ACYP2: variants seen among roughly 807,000 people sequenced by gnomAD.
ACYP2 encodes the protein acylphosphatase 2, also known as acylphosphatase-2.
A neutral mutation model predicts 11.2 loss-of-function variants in ACYP2; 12 were observed. That is an observed-to-expected ratio of 1.08 (90% CI 0.69 to 1.74). The LOEUF (loss-of-function observed/expected upper bound fraction) is 1.74, where lower values mean the gene tolerates loss of function less well. ACYP2 is among the 40% of genes most tolerant of loss of function. The pLI, the probability that ACYP2 is intolerant of heterozygous loss-of-function variation, is 0.00. For synonymous variants in ACYP2, 43 were observed against 32.2 expected (o/e 1.33, Z -1.13); for missense variants, 134 against 101.9 (o/e 1.31, Z -1.35).
chr2:53,994,728 G>A (rs1014231920), intron 2 of ACYP2, among the ~76,000 whole-genome samples: 1 of 152,074 alleles, frequency 6.6e-6, no homozygotes, highest in Non-Finnish European at 1.5e-5. Flanking sequence ...ACTACTATAG[G>A]ATAGCAATTT....
chr2:53,978,991 G>A (rs973643621), intron 2 of ACYP2, among the ~76,000 whole-genome samples: 4 of 151,528 alleles, frequency 2.6e-5, no homozygotes, highest in Admixed American at 2.6e-4. Context: ...ATAAACGACT[G>A]TTACTAGTTT....
chr2:54,053,076 C>G (rs1410894775), intron 3 of ACYP2, among the ~76,000 whole-genome samples: 1 of 152,208 alleles, frequency 6.6e-6, no homozygotes, highest in Non-Finnish European at 1.5e-5. Context: ...CTCCCTGGTC[C>G]TGATGGCTTG....
intron 4 of ACYP2, among the ~76,000 whole-genome samples, chr2:54,063,180 C>T (rs1420096912): frequency 3.9e-5 from 6 of 152,000 alleles, no homozygotes; most frequent in Middle Eastern, 3.4e-3. Context: ...GAGTCAGGGT[C>T]TCACTGTGTT....
At chr2:54,219,988 C>G (rs892942629) in intron 6 of ACYP2, among the ~76,000 whole-genome samples, 33 of 148,668 alleles carry the variant, frequency 2.2e-4, no homozygotes, top group Admixed American at 8.1e-4. Context: ...GTGCTCCACT[C>G]ATCTCAGCCT....
chr2:54,190,980 A>G lies in ACYP2; in HGVS notation c.404+52232A>G, dbSNP rs567112709. 1.3e-5 allele frequency among the ~76,000 whole-genome samples: 2 copies of G among 152,180 alleles called. 1 individual carries two copies. The highest frequency in any genetic ancestry group is 4.1e-4 in the South Asian group (2 of 4,820). On this transcript the variant is annotated intron_variant, in intron 6 of 6. Transcript: ENST00000607452. Reference sequence around the variant, plus strand: ...CATGAATTTTGTTTCTTTCTCTTCCATCTCTCAGCCATTACTAAATTCTGT... The same window carrying G: ...CATGAATTTTGTTTCTTTCTCTTCCGTCTCTCAGCCATTACTAAATTCTGT...
At chr2:54,007,030 C>T (rs961807782) in intron 2 of ACYP2, among the ~76,000 whole-genome samples, 1 of 147,824 alleles carries the variant, frequency 6.8e-6, no homozygotes, top group African/African-American at 2.5e-5. Flanking sequence ...TAGGCTGAGG[C>T]AGGAGAATCA....
chr2:54,240,838 G>A (rs111304611), intron 6 of ACYP2, among the ~76,000 whole-genome samples: 1 of 152,266 alleles, frequency 6.6e-6, no homozygotes, highest in African/African-American at 2.4e-5. Context: ...AGTGGCTTAG[G>A]CTGCAAAATA....
chr2:54,214,374 A>G (rs1099252), intron 6 of ACYP2, among the ~76,000 whole-genome samples: 86,633 of 152,024 alleles, frequency 0.57, 24,905 homozygotes, highest in East Asian at 0.68. Context: ...ATAGTTATAC[A>G]TTTCACGTTT....
chr2:54,035,009 CAAAAAAAA>C (rs550142135), intron 2 of ACYP2, among the ~76,000 whole-genome samples: 10 of 44,748 alleles, frequency 2.2e-4, no homozygotes, highest in South Asian at 1.5e-3. Flanking sequence ...GACTACATCT[CAAAAAAAA>C]AAAAAAAAAA....
chr2:54,149,742 A>G (rs1158632622), intron 6 of ACYP2, among the ~76,000 whole-genome samples: 1 of 152,234 alleles, frequency 6.6e-6, no homozygotes, highest in Non-Finnish European at 1.5e-5. Flanking sequence ...GTTATGTATC[A>G]GTCCTCTGCA....
rs62137971 is a variant in ACYP2, at chr2:54,096,088, G to A, written c.277+38728G>A. ...CCTCCCTCCCGGACGGGGTGGCTGCGGGGCGGAGACGCTCCTCACTTCCCA... is the reference window on the plus strand; with the variant it reads ...CCTCCCTCCCGGACGGGGTGGCTGCAGGGCGGAGACGCTCCTCACTTCCCA... On this transcript the variant is annotated intron_variant, in intron 4 of 6. Transcript: ENST00000607452. Among the ~76,000 whole-genome samples the A allele has an allele frequency of 1.2e-3, 167 of 138,068 alleles. 1 individual carries two copies. Among genetic ancestry groups the A allele is most frequent in the African/African-American group, 4.2e-3 (151 of 36,286 alleles). 90.6% of individuals were successfully genotyped at this position (138,068 alleles called of 152,430 possible). A position where few individuals can be genotyped will look rare whatever the true frequency, so the allele number is the denominator to read the frequency against.
chr2:54,264,589 G>A (rs1020173836), intron 6 of ACYP2, among the ~76,000 whole-genome samples: 5 of 152,218 alleles, frequency 3.3e-5, no homozygotes, highest in African/African-American at 1.2e-4. Context: ...CAAGGTGGGA[G>A]GAAAGGGAGA....
At chr2:54,295,192 C>CA (rs1292799305) in intron 6 of ACYP2, among the ~76,000 whole-genome samples, 5 of 151,814 alleles carry the variant, frequency 3.3e-5, no homozygotes, top group Non-Finnish European at 5.9e-5. Flanking sequence ...CTCACAAGCG[C>CA]AAAAAAATGC....
At chr2:54,126,805 C>G (rs1457108875) in intron 4 of ACYP2, among the ~76,000 whole-genome samples, 1 of 151,718 alleles carries the variant, frequency 6.6e-6, no homozygotes. Context: ...AAAAAATTAG[C>G]CAGGTGTGGT....
chr2:54,208,849 A>G (rs1252551537), intron 6 of ACYP2, among the ~76,000 whole-genome samples: 2 of 152,088 alleles, frequency 1.3e-5, no homozygotes, highest in Non-Finnish European at 2.9e-5. Context: ...GTGTCCTCAT[A>G]CCCAATTGTG....
At chr2:54,144,603 G>A (rs2103796648) in intron 6 of ACYP2, among the ~76,000 whole-genome samples, 1 of 150,702 alleles carries the variant, frequency 6.6e-6, no homozygotes, top group East Asian at 2.0e-4. Context: ...GAACCCAGGA[G>A]CCAGAGGTTG....
chr2:54,099,050 A>C (rs1678745184), intron 4 of ACYP2, among the ~76,000 whole-genome samples: 1 of 151,720 alleles, frequency 6.6e-6, no homozygotes, highest in South Asian at 2.1e-4. Context: ...ATATCTTAGA[A>C]CCTCTATTTG....
intron 6 of ACYP2, among the ~76,000 whole-genome samples, chr2:54,151,105 A>C (rs1054170384): frequency 6.6e-6 from 1 of 152,112 alleles, no homozygotes; most frequent in African/African-American, 2.4e-5. Flanking sequence ...ATAGTTCAAG[A>C]GTTAGAATTA....
At chr2:54,054,213 T>A (rs1466010743) in intron 3 of ACYP2, among the ~76,000 whole-genome samples, 1 of 152,216 alleles carries the variant, frequency 6.6e-6, no homozygotes, top group Admixed American at 6.5e-5. Flanking sequence ...GATAACTTAT[T>A]CTGGGAACAT....
Sources: allele counts gnomAD v4.1 joint callset (sites outside exome capture counted in the v4.1 genomes callset), GRCh38; gene constraint gnomAD v4.1.1; transcripts MANE v1.5; gene names NCBI Gene and HGNC (gene_info 2026-07-23, HGNC 2026-07-21).